GREB1: variants seen among roughly 807,000 people sequenced by gnomAD.
GREB1 encodes growth regulating estrogen receptor binding 1, also known as protein GREB1.
Under a neutral mutation model 200.7 loss-of-function variants are expected in GREB1, and 106 were observed. The ratio of observed to expected loss-of-function variants is 0.53; its 90% confidence interval spans 0.45 to 0.62. GREB1 has a LOEUF of 0.62. Among genes scored for constraint, GREB1 ranks in the 20% least tolerant of loss-of-function variants. The probability of loss-of-function intolerance (pLI) is 0.00; values close to 1 mark genes in which losing one functional copy is unlikely to be tolerated. For missense variants in GREB1, 2,243 were observed against 2,556.8 expected (o/e 0.88, Z 2.65); for synonymous variants, 1,132 against 1,092.4 (o/e 1.04, Z -0.72).
At chr2:11,494,926 G>A (rs2148412263) in intron 1 of GREB1, among the ~76,000 whole-genome samples, 1 of 152,230 alleles carries the variant, frequency 6.6e-6, no homozygotes, top group Middle Eastern at 3.4e-3. Context: ...ACCTGTCTTT[G>A]GGGCCTGGCC....
At chr2:11,497,619 T>G (rs562185670) in intron 1 of GREB1, among the ~76,000 whole-genome samples, 2 of 152,358 alleles carry the variant, frequency 1.3e-5, no homozygotes, top group East Asian at 1.9e-4. Flanking sequence ...CTTCTCTTTG[T>G]CCTTGCCAGC....
chr2:11,530,216 C>T (rs951584611), upstream of GREB1, among the ~76,000 whole-genome samples: 1 of 151,966 alleles, frequency 6.6e-6, no homozygotes, highest in Non-Finnish European at 1.5e-5. Context: ...TGCAAGCCAC[C>T]ACACCCAGCT....
At position 11,640,191 on chromosome 2, in the gene GREB1, C is replaced by G; in HGVS notation, c.5687-100C>G. 1 of 1,176,662 alleles carries G rather than the reference C, an allele frequency of 8.5e-7. No individual in the cohort carries two copies. 72.9% of individuals were successfully genotyped at this position (1,176,662 alleles called of 1,614,324 possible). ...TGGATGCCGCTTCTGCCCTTCCCAA[C>G]AGCGCCCTGTCTTGTCATTGCAAGT... On this transcript the variant is annotated intron_variant, in intron 32 of 32. Coordinates refer to ENST00000381486, the MANE Select transcript of GREB1 (RefSeq NM_014668.4). This position sits in a 1 kb window ranked among gnomAD's most constrained non-coding sequence, Gnocchi z 4.6.
chr2:11,486,458 G>GTACTTTAAAGCTAATTGCAC (rs1672658049), intron 1 of GREB1, among the ~76,000 whole-genome samples: 1 of 151,966 alleles, frequency 6.6e-6, no homozygotes, highest in Admixed American at 6.6e-5. Context: ...CCTAATTGTA[G>GTACTTTAAAGCTAATTGCAC]TACTTTAAAG....
intron 1 of GREB1, among the ~76,000 whole-genome samples, chr2:11,498,651 C>T (rs1287071549): frequency 6.6e-6 from 1 of 152,176 alleles, no homozygotes; most frequent in Non-Finnish European, 1.5e-5. Context: ...AGTTCCTATG[C>T]AGTTTTGCTG....
At chr2:11,510,266 A>G (rs939066637) in intron 1 of GREB1, among the ~76,000 whole-genome samples, 1 of 152,220 alleles carries the variant, frequency 6.6e-6, no homozygotes, top group African/African-American at 2.4e-5. Flanking sequence ...GATGGTATGT[A>G]CCTTATATTG....
intron 1 of GREB1, among the ~76,000 whole-genome samples, chr2:11,496,924 TA>T (rs1672904565): frequency 2.0e-5 from 3 of 152,154 alleles, no homozygotes; most frequent in African/African-American, 7.2e-5. Flanking sequence ...AGCGTGATTA[TA>T]GCTCACTGCA....
intron 22 of GREB1, among the ~76,000 whole-genome samples, chr2:11,619,289 A>G (rs1177733527): frequency 2.0e-5 from 3 of 152,212 alleles, no homozygotes; most frequent in African/African-American, 7.2e-5. Context: ...ACGGAGAACT[A>G]GGGGTTCTGT....
intron 1 of GREB1, among the ~76,000 whole-genome samples, chr2:11,536,970 A>C (rs1285067606): frequency 3.3e-5 from 5 of 151,464 alleles, no homozygotes; most frequent in East Asian, 1.9e-4. Flanking sequence ...CTTTTTTTTT[A>C]TTTTTCTTTG....
At chr2:11,602,652 G>A (rs1363927339) in intron 17 of GREB1, 110 bp downstream of exon 17, 3 of 880,246 alleles carry the variant, frequency 3.4e-6, no homozygotes, top group South Asian at 1.5e-5. Context: ...TCCTTCCTGA[G>A]CAACTCAGTT....
chr2:11,568,101 A>G (rs1360073905), intron 4 of GREB1, among the ~76,000 whole-genome samples: 7 of 152,214 alleles, frequency 4.6e-5, no homozygotes, highest in Non-Finnish European at 8.8e-5. Flanking sequence ...TTTGATTGTG[A>G]GAATTTATGG....
In GREB1 at chr2:11,633,106, GATGACCA is replaced by G; in HGVS notation, c.4991+45_4991+51del. 6.3e-7 allele frequency: 1 copy of G among 1,591,104 alleles called. No homozygotes were observed. The highest frequency in any genetic ancestry group is 8.6e-7 in the Non-Finnish European group (1 of 1,160,572). On this transcript the variant is annotated intron_variant, in intron 28 of 32. Coordinates refer to ENST00000381486, the MANE Select transcript of GREB1 (RefSeq NM_014668.4). The surrounding 1 kb of genome is among the most constrained non-coding windows in gnomAD (Gnocchi z 4.1). ...CACCACCTCCTGCCACCCTACGAAT[GATGACCA>G]ACGAGTGTGCCCTCTTTGTATGGGG...
At chr2:11,485,728 A>G (rs1235750832) in intron 1 of GREB1, among the ~76,000 whole-genome samples, 1 of 152,212 alleles carries the variant, frequency 6.6e-6, no homozygotes, top group East Asian at 1.9e-4. Context: ...TACCTGTGGC[A>G]TTATAGATGT....
intron 1 of GREB1, among the ~76,000 whole-genome samples, chr2:11,489,318 G>T (rs572701615): frequency 1.3e-5 from 2 of 152,166 alleles, no homozygotes; most frequent in Non-Finnish European, 2.9e-5. Flanking sequence ...AATTAGCCGG[G>T]CGTGGTGGCG....
At position 11,597,924 on chromosome 2, in the gene GREB1, A is replaced by G; in HGVS notation, c.2098A>G (p.Ile700Val). The G allele has an allele frequency of 6.2e-7, 1 of 1,614,190 alleles. No homozygotes were observed. Among genetic ancestry groups the G allele is most frequent in the African/African-American group, 1.3e-5 (1 of 75,046 alleles). ...TGAGAAGGTGGACTTTCTCATTTGC[A>G]TTCCCCCCTCAGAAGTGACCTACCA... Reference protein sequence around the residue: ...SFEKVDFLICIPPSEVTYQQT... With the variant: ...SFEKVDFLICVPPSEVTYQQT... The change falls in exon 14 of 33, where the codon ATT becomes GTT. Residue 700 changes from isoleucine (I) to valine (V), a missense_variant. By Grantham distance (29) the Ile-to-Val change is conservative. Coordinates refer to ENST00000381486, the MANE Select transcript of GREB1 (RefSeq NM_014668.4). This position sits in a 1 kb window ranked among gnomAD's most constrained non-coding sequence, Gnocchi z 4.1.
At chr2:11,605,179 G>A (rs1274052790) in intron 17 of GREB1, among the ~76,000 whole-genome samples, 5 of 46,306 alleles carry the variant, frequency 1.1e-4, no homozygotes, top group East Asian at 8.0e-4. Flanking sequence ...TTTTTTTTAC[G>A]CAGCAGCTTT....
At chr2:11,571,047 A>G (rs868402271) in intron 4 of GREB1, among the ~76,000 whole-genome samples, 1 of 152,046 alleles carries the variant, frequency 6.6e-6, no homozygotes, top group South Asian at 2.1e-4. Context: ...GGATATATAT[A>G]TATATAAAAC....
At chr2:11,543,525 G>GCTCAACT (rs1674957372) in intron 1 of GREB1, among the ~76,000 whole-genome samples, 1 of 152,138 alleles carries the variant, frequency 6.6e-6, no homozygotes, top group Admixed American at 6.5e-5. Context: ...CTTGCCCAAG[G>GCTCAACT]TCACACAGCT....
Position 11,580,231 on chromosome 2 carries a change from TG to T in GREB1, c.773-470del, listed in dbSNP as rs1449819973. Among the ~76,000 whole-genome samples the T allele has an allele frequency of 6.6e-6, 1 of 152,050 alleles. No homozygotes were observed. Among genetic ancestry groups the T allele is most frequent in the African/African-American group, 2.4e-5 (1 of 41,394 alleles). On this transcript the variant is annotated intron_variant, in intron 6 of 32. Transcript: ENST00000381486. The surrounding 1 kb of genome is among the most constrained non-coding windows in gnomAD (Gnocchi z 4.5). ...GGGAGCTGCAATTCAAAGTGGAATT[TG>T]GGCGGGGACACAGCCAAACCGTATC...
Sources: gnomAD v4.1 joint callset for allele counts (sites outside exome capture counted in the v4.1 genomes callset) on GRCh38, gnomAD v4.1.1 for gene constraint, Gnocchi (gnomAD v3.1) non-coding constraint, MANE v1.5 for transcripts, NCBI Gene and HGNC (gene_info 2026-07-23, HGNC 2026-07-21) for gene names.